The following DNAJC2 variants were observed in gnomAD, a reference collection of about 807,000 sequenced individuals.
DNAJC2 encodes DnaJ heat shock protein family (Hsp40) member C2, also known as dnaJ homolog subfamily C member 2.
A neutral mutation model predicts 94.0 loss-of-function variants in DNAJC2; 32 were observed. The observed-to-expected ratio is 0.34, with a 90% CI of 0.26 to 0.46. The LOEUF is 0.46. Among genes scored for constraint, DNAJC2 ranks in the 20% least tolerant of loss-of-function variants. DNAJC2 has a pLI of 1.00. For synonymous variants in DNAJC2, 210 were observed against 229.7 expected (o/e 0.91, Z 0.77); for missense variants, 550 against 719.5 (o/e 0.76, Z 2.69).
At chr7:103,331,283 T>G (rs1161905561) in intron 3 of DNAJC2, among the ~76,000 whole-genome samples, 1 of 152,222 alleles carries the variant, frequency 6.6e-6, no homozygotes, top group African/African-American at 2.4e-5. Context: ...TCATGATACA[T>G]GCATAAACCA....
At chr7:103,323,975 G>T (rs543317552) in intron 6 of DNAJC2, among the ~76,000 whole-genome samples, 6 of 152,276 alleles carry the variant, frequency 3.9e-5, no homozygotes, top group Admixed American at 3.9e-4. Context: ...GGTAACCCTA[G>T]TAGTGGTTAT....
rs1379915667 is a variant in DNAJC2, at chr7:103,344,291, G to A, written c.64+268C>T. 13 of 532,496 alleles carry A rather than the reference G, an allele frequency of 2.4e-5. No homozygotes were observed. The East Asian group carries it at 4.1e-4, about 17-fold the overall frequency. The allele number at this position is 532,496 out of a possible 1,614,324, so 33.0% of individuals were successfully genotyped here. On this transcript the variant is annotated intron_variant, in intron 1 of 16. Coordinates refer to ENST00000379263, the MANE Select transcript of DNAJC2 (RefSeq NM_014377.3). Reference sequence around the variant, plus strand: ...CTGGGGTGCTGGGGGGTTCCGTCCCGAAATGCTCAGCCCAATCCATGAGTC... The same window carrying A: ...CTGGGGTGCTGGGGGGTTCCGTCCCAAAATGCTCAGCCCAATCCATGAGTC...
chr7:103,343,218 CT>C (rs1197453090), intron 1 of DNAJC2, among the ~76,000 whole-genome samples: 1 of 152,060 alleles, frequency 6.6e-6, no homozygotes, highest in Non-Finnish European at 1.5e-5. Flanking sequence ...CCAGGCTGGT[CT>C]CGAACTGCTG....
intron 1 of DNAJC2, among the ~76,000 whole-genome samples, chr7:103,343,730 T>C (rs1179369909): frequency 6.6e-6 from 1 of 152,232 alleles, no homozygotes; most frequent in Non-Finnish European, 1.5e-5. Flanking sequence ...TTCCTCCACC[T>C]TACACAGGAG....
intron 15 of DNAJC2, chr7:103,314,423 A>C (rs1817930108): frequency 1.0e-6 from 1 of 985,272 alleles, no homozygotes. Flanking sequence ...CCCACATAGC[A>C]CTACTGCCAG....
intron 15 of DNAJC2, 107 bp downstream of exon 15, chr7:103,315,657 A>T: frequency 1.5e-6 from 1 of 668,926 alleles, no homozygotes; most frequent in Non-Finnish European, 2.5e-6. Flanking sequence ...CCAGTCTGCT[A>T]AACATTTTAT....
At position 103,314,364 on chromosome 7, in the gene DNAJC2, G is replaced by A. The variant is rs373486588; in HGVS notation, c.1637-1263C>T. On this transcript the variant is annotated intron_variant, in intron 15 of 16. Transcript: ENST00000379263. ...CAGCTTGCTGTTTAATGGTACAACT[G>A]AAGAGGAAGGAGCCTTCCCATTTCC... 1.3e-5 allele frequency: 13 copies of A among 985,290 alleles called. 1 individual carries two copies. Among genetic ancestry groups the A allele is most frequent in the Middle Eastern group, 5.2e-4 (1 of 1,936 alleles). 61.0% of individuals were successfully genotyped at this position (985,290 alleles called of 1,614,324 possible). A position where few individuals can be genotyped will look rare whatever the true frequency, so the allele number is the denominator to read the frequency against.
rs535710267 is a variant in DNAJC2 at position 103,317,600 on chromosome 7, T to G, written c.1243-586A>C. ...CAGTAAAGTCCCAATAATGCTAACCTTGAAAAATTTTTTTGATTCCCATCA... is the reference window on the plus strand; with the variant it reads ...CAGTAAAGTCCCAATAATGCTAACCGTGAAAAATTTTTTTGATTCCCATCA... On this transcript the variant is annotated intron_variant, in intron 12 of 16. Transcript: ENST00000379263. Among the ~76,000 whole-genome samples, 22 of 152,298 alleles carry G rather than the reference T, an allele frequency of 1.4e-4. 1 individual carries two copies. In the South Asian group the frequency reaches 3.5e-3, roughly 24 times the overall value.
chr7:103,319,898 A>G (rs1818286014), intron 10 of DNAJC2, 54 bp from the exon 11 acceptor site: 4 of 1,578,106 alleles, frequency 2.5e-6, no homozygotes, highest in South Asian at 2.2e-5. Context: ...ATCCATCAAC[A>G]TAATTACAAA....
chr7:103,326,577 C>G lies in DNAJC2; in HGVS notation c.538G>C (p.Glu180Gln). Residue 180 changes from glutamate to glutamine, a missense_variant, in exon 5 of 17, where the codon GAA becomes CAA. Glu to Gln is a conservative substitution (Grantham distance 29). This residue lies in a region of DNAJC2 where 279 missense variants were observed against 416.9 expected (regional missense o/e 0.67). Transcript: ENST00000379263. Reference protein sequence around the residue: ...SKSEAKDNFFEVFTPVFERNS... With the variant: ...SKSEAKDNFFQVFTPVFERNS... ...CTTTCAAACACTGGGGTAAACACTTCGAAGAAATTATCCTTTGCTTCACTT... is the reference window on the plus strand; with the variant it reads ...CTTTCAAACACTGGGGTAAACACTTGGAAGAAATTATCCTTTGCTTCACTT... 6.2e-7 allele frequency: 1 copy of G among 1,613,808 alleles called. No individual in the cohort carries two copies.
At chr7:103,344,028 A>C (rs1285017288) in intron 1 of DNAJC2, among the ~76,000 whole-genome samples, 1 of 152,276 alleles carries the variant, frequency 6.6e-6, no homozygotes, top group African/African-American at 2.4e-5. Flanking sequence ...TTTCACTTGT[A>C]ATAACTGCCT....
rs1397690883 is a variant in DNAJC2, at chr7:103,312,613, C to T, written c.1822G>A (p.Ala608Thr). The change falls in exon 17 of 17, where the codon GCT becomes ACT. Residue 608 changes from alanine (A) to threonine (T), a missense_variant. By Grantham distance (58) the Ala-to-Thr change is moderately conservative. This residue lies in a region of DNAJC2 where 271 missense variants were observed against 302.6 expected (regional missense o/e 0.90). Transcript: ENST00000379263. ...GCATTCAGCACTTGTTCTTGAGCAG[C>T]TTTCTTTGCTTTTACCATCTCGACA... ...ELVEMVKAKKAAQEQVLNASR... is the reference protein window; with the variant it reads ...ELVEMVKAKKTAQEQVLNASR... 2.5e-6 allele frequency: 4 copies of T among 1,613,626 alleles called. No individual in the cohort carries two copies. The highest frequency in any genetic ancestry group is 2.5e-6 in the Non-Finnish European group (3 of 1,179,830).
At chr7:103,316,124 G>A (rs769345747) in intron 13 of DNAJC2, 36 bp from the exon 14 acceptor site, 2 of 1,363,052 alleles carry the variant, frequency 1.5e-6, no homozygotes, top group Admixed American at 2.3e-5. Flanking sequence ...ATGAATAGTA[G>A]TAAGGAAAAA....
rs1819525900 is a variant in DNAJC2 at position 103,344,552 on chromosome 7, C to T, written c.64+7G>A. The T allele has an allele frequency of 6.2e-7, 1 of 1,613,734 alleles. No homozygotes were observed. The highest frequency in any genetic ancestry group is 8.5e-7 in the Non-Finnish European group (1 of 1,179,966). On this transcript the variant is annotated splice_region_variant and intron_variant, in intron 1 of 16. Coordinates refer to ENST00000379263, the MANE Select transcript of DNAJC2 (RefSeq NM_014377.3). ...TGAGAAGGAACCGAGGTTGGGTGGG[C>T]ACTTACCAGAGGTCAGAGCGTGGGT...
chr7:103,339,351 A>G (rs1819293757), intron 2 of DNAJC2, among the ~76,000 whole-genome samples: 1 of 152,116 alleles, frequency 6.6e-6, no homozygotes, highest in South Asian at 2.1e-4. Flanking sequence ...TTCTTTCTAT[A>G]CCAAAGACCT....
intron 12 of DNAJC2, among the ~76,000 whole-genome samples, chr7:103,317,561 C>T (rs886759098): frequency 4.6e-5 from 7 of 152,192 alleles, no homozygotes; most frequent in Non-Finnish European, 8.8e-5. Context: ...TTCTCCCCTT[C>T]AATCCCTTAG....
At chr7:103,317,195 G>A in intron 12 of DNAJC2, 181 bp from the exon 13 acceptor site, 1 of 583,908 alleles carries the variant, frequency 1.7e-6, no homozygotes, top group Non-Finnish European at 3.0e-6. Flanking sequence ...AGTCTGCATA[G>A]GTCTGCCTGA....
chr7:103,324,632 A>G, intron 5 of DNAJC2, 70 bp from the exon 6 acceptor site: 1 of 1,244,366 alleles, frequency 8.0e-7, no homozygotes, highest in South Asian at 1.9e-5. Context: ...AAACAATTTA[A>G]TTTATTAAAA....
chr7:103,326,623 A>ACC lies in DNAJC2; in HGVS notation c.491_492insGG (p.Phe164LeufsTer42). The ACC allele has an allele frequency of 6.2e-7, 1 of 1,612,608 alleles. No individual in the cohort carries two copies. Among genetic ancestry groups the ACC allele is most frequent in the Non-Finnish European group, 8.5e-7 (1 of 1,179,310 alleles). On this transcript the variant is annotated frameshift_variant, in exon 5 of 17. Transcript: ENST00000379263. LOFTEE classifies it high-confidence loss of function. Reference sequence around the variant, plus strand: ...CACTTTTAGAAGGAACTGAGTTATCAAAAGTAGGATCTACACTGTTAAATG... The same window carrying ACC: ...CACTTTTAGAAGGAACTGAGTTATCACCAAAGTAGGATCTACACTGTTAAATG...
Sources: allele counts gnomAD v4.1 joint callset (sites outside exome capture counted in the v4.1 genomes callset), GRCh38; gene constraint gnomAD v4.1.1; regional missense constraint gnomAD v4.1.1; transcripts MANE v1.5; gene names NCBI Gene and HGNC (gene_info 2026-07-23, HGNC 2026-07-21).